YEATS2: variants seen among roughly 807,000 people sequenced by gnomAD.
YEATS2 encodes the protein YEATS domain containing 2.
Under a neutral mutation model 163.2 loss-of-function variants are expected in YEATS2, and 77 were observed. The observed-to-expected ratio is 0.47, with a 90% CI of 0.39 to 0.57. YEATS2 has a LOEUF of 0.57. Ranked by LOEUF, YEATS2 falls within the 20% of genes least tolerant of loss-of-function variation. The probability of loss-of-function intolerance (pLI) is 0.00; values close to 1 mark genes in which losing one functional copy is unlikely to be tolerated. For missense variants in YEATS2, 1,549 were observed against 1,729.8 expected, an observed-to-expected ratio of 0.90 and a Z score of 1.85; for synonymous variants, 631 against 645.1, an observed-to-expected ratio of 0.98 and a Z score of 0.33.
At chr3:183,716,074 G>C (rs779744626) in intron 2 of YEATS2, among the ~76,000 whole-genome samples, 18 of 151,974 alleles carry the variant, frequency 1.2e-4, no homozygotes, top group Admixed American at 3.3e-4. Context: ...ATTCTCCTGC[G>C]TCAGCCTCCC....
chr3:183,702,617 ACCT>A (rs1714215015), intron 1 of YEATS2, among the ~76,000 whole-genome samples: 2 of 152,016 alleles, frequency 1.3e-5, no homozygotes, highest in Admixed American at 6.6e-5. Flanking sequence ...CGGGTGGATC[ACCT>A]GAGGTCAGGA....
intron 27 of YEATS2, among the ~76,000 whole-genome samples, chr3:183,805,562 G>A (rs1443035456): frequency 6.6e-6 from 1 of 152,130 alleles, no homozygotes; most frequent in African/African-American, 2.4e-5. Context: ...GCTGAGGCAG[G>A]AGGATTGTTT....
chr3:183,803,117 G>A, intron 25 of YEATS2, 139 bp from the exon 26 acceptor site: 1 of 822,892 alleles, frequency 1.2e-6, no homozygotes, highest in East Asian at 2.7e-5. Context: ...CCTGTGTTAG[G>A]CTGCATCTGA....
intron 1 of YEATS2, among the ~76,000 whole-genome samples, chr3:183,712,226 T>TATGTTATGTTATGTTATGTTATG: frequency 6.1e-5 from 9 of 147,206 alleles, no homozygotes; most frequent in African/African-American, 1.8e-4. Flanking sequence ...TATTTTATTT[T>TATGTTATGTTATGTTATGTTATG]TTGAGACAGA....
At chr3:183,768,597 C>T (rs181264949) in intron 15 of YEATS2, among the ~76,000 whole-genome samples, 1 of 152,110 alleles carries the variant, frequency 6.6e-6, no homozygotes, top group African/African-American at 2.4e-5. Flanking sequence ...AGAAGGGTTT[C>T]CGTATTTCCA....
chr3:183,796,249 C>T (rs887135494), intron 21 of YEATS2, among the ~76,000 whole-genome samples: 3 of 150,246 alleles, frequency 2.0e-5, no homozygotes, highest in Non-Finnish European at 4.4e-5. Flanking sequence ...CCACCTGCCT[C>T]AGCCTCCCAA....
chr3:183,756,763 G>A, intron 12 of YEATS2, 74 bp downstream of exon 12: 2 of 1,251,458 alleles, frequency 1.6e-6, no homozygotes, highest in Non-Finnish European at 2.1e-6. Flanking sequence ...GCCATGACTT[G>A]GTAGCCATGT....
chr3:183,764,634 C>G (rs747722248), intron 15 of YEATS2, among the ~76,000 whole-genome samples: 1 of 151,900 alleles, frequency 6.6e-6, no homozygotes, highest in African/African-American at 2.4e-5. Context: ...AGTGAAACCC[C>G]GTCTATACTA....
intron 15 of YEATS2, among the ~76,000 whole-genome samples, chr3:183,762,900 T>C (rs1721519660): frequency 6.6e-6 from 1 of 151,534 alleles, no homozygotes; most frequent in South Asian, 2.1e-4. Context: ...AAAAATACAA[T>C]ATTAGCGGGG....
intron 9 of YEATS2, among the ~76,000 whole-genome samples, chr3:183,750,127 T>G (rs1327936327): frequency 6.6e-6 from 1 of 152,012 alleles, no homozygotes; most frequent in Non-Finnish European, 1.5e-5. Flanking sequence ...CCCGGCCTAC[T>G]TGTTTATTTT....
At chr3:183,737,617 G>A (rs141509152) in intron 8 of YEATS2, among the ~76,000 whole-genome samples, 11 of 152,292 alleles carry the variant, frequency 7.2e-5, no homozygotes, top group African/African-American at 2.6e-4. Context: ...AATAATGTTT[G>A]TCTGTAAAGA....
chr3:183,809,201 G>A, intron 30 of YEATS2, 31 bp downstream of exon 30: 1 of 1,605,576 alleles, frequency 6.2e-7, no homozygotes, highest in Non-Finnish European at 8.5e-7. Flanking sequence ...TGTGGTGTGA[G>A]GCTTACACCT....
intron 27 of YEATS2, chr3:183,806,117 A>G (rs1028448576): frequency 8.3e-6 from 3 of 363,282 alleles, no homozygotes; most frequent in Non-Finnish European, 1.6e-5. Flanking sequence ...GCATCAGCAC[A>G]TACCTTGACT....
intron 20 of YEATS2, among the ~76,000 whole-genome samples, chr3:183,787,482 C>T (rs888103932): frequency 3.0e-4 from 45 of 151,912 alleles, no homozygotes; most frequent in African/African-American, 9.2e-4. Context: ...CATCTTTTCA[C>T]GTATTTATTG....
intron 4 of YEATS2, among the ~76,000 whole-genome samples, chr3:183,721,443 A>T: frequency 6.6e-6 from 1 of 152,214 alleles, no homozygotes; most frequent in East Asian, 1.9e-4. Context: ...TAATACAATC[A>T]GTATTAGTCA....
At chr3:183,777,481 G>A in intron 18 of YEATS2, 61 bp from the exon 19 acceptor site, 1 of 1,570,074 alleles carries the variant, frequency 6.4e-7, no homozygotes, top group Non-Finnish European at 8.7e-7. Flanking sequence ...TAAGGGATCA[G>A]AACAGCCCAT....
chr3:183,724,623 CAG>C (rs770067720), intron 6 of YEATS2, 92 bp downstream of exon 6: 50 of 857,812 alleles, frequency 5.8e-5, no homozygotes, highest in Non-Finnish European at 7.9e-5. Flanking sequence ...GAAGCAGCCT[CAG>C]GGATTCTTTT....
Position 183,772,356 on chromosome 3 carries a change from G to A in YEATS2, c.1999G>A (p.Val667Met), listed in dbSNP as rs1197359358. ...SALPSTVKQA[V>M]AISGGQILVA... ...TTTACCTTCAACAGTGAAGCAGGCT[G>A]TGGCGATCAGTGGTGGCCAGATCCT... The change falls in exon 16 of 31, where the codon GTG becomes ATG. Residue 667 changes from valine (V) to methionine (M), a missense_variant. Coordinates refer to ENST00000305135, the MANE Select transcript of YEATS2 (RefSeq NM_018023.5). 1.2e-6 allele frequency: 2 copies of A among 1,614,102 alleles called. No individual in the cohort carries two copies. The highest frequency in any genetic ancestry group is 1.7e-6 in the Non-Finnish European group (2 of 1,180,048).
intron 1 of YEATS2, among the ~76,000 whole-genome samples, chr3:183,706,170 G>A (rs2108978339): frequency 6.6e-6 from 1 of 152,234 alleles, no homozygotes; most frequent in Admixed American, 6.5e-5. Context: ...ATAAGGGGGA[G>A]ATTTCAGCTG....
Sources: allele counts gnomAD v4.1 joint callset (sites outside exome capture counted in the v4.1 genomes callset), GRCh38; gene constraint gnomAD v4.1.1; transcripts MANE v1.5; gene names NCBI Gene and HGNC (gene_info 2026-07-23, HGNC 2026-07-21).